Variants in MRE11 observed in about 807,000 individuals in gnomAD.
MRE11 encodes the protein double-strand break repair protein MRE11.
A neutral mutation model predicts 91.7 loss-of-function variants in MRE11; 62 were observed. The ratio of observed to expected loss-of-function variants is 0.68; its 90% CI spans 0.55 to 0.84. The LOEUF (loss-of-function observed/expected upper bound fraction) is 0.84. MRE11 is among the 40% of genes least tolerant of loss of function. The pLI is 0.00. For synonymous variants in MRE11, 273 were observed against 271.4 expected (o/e 1.01, Z -0.06); for missense variants, 796 against 852.9 (o/e 0.93, Z 0.83).
rs1945907967 is a variant in MRE11 at position 94,445,732 on chromosome 11, A to C, written c.1867+78T>G. 4 of 1,057,896 alleles carry C rather than the reference A, an allele frequency of 3.8e-6. No individual in the cohort carries two copies. In the Admixed American group the frequency reaches 6.8e-5, roughly 18 times the overall value. 65.5% of individuals were successfully genotyped at this position (1,057,896 alleles called of 1,614,324 possible). ...TAACTTCCCAATGATTGCAACACAA[A>C]TAAGGGCTACCAATGGTGATTACCT... On this transcript the variant is annotated intron_variant, in intron 16 of 19. Transcript: ENST00000323929.
intron 12 of MRE11, among the ~76,000 whole-genome samples, 191 bp from the exon 13 acceptor site, chr11:94,459,772 G>A (rs763399505): frequency 1.8e-4 from 28 of 152,274 alleles, no homozygotes; most frequent in African/African-American, 6.0e-4. Context: ...TACAGGACAC[G>A]TGAAATGTAG....
At chr11:94,496,917 G>T, upstream of MRE11, 1 of 1,613,484 alleles carries the variant, frequency 6.2e-7, no homozygotes, top group South Asian at 1.1e-5. Context: ...AAAGACCCAA[G>T]CAGATTGCTT....
At chr11:94,501,404 A>C in the MRE11 span, among the ~76,000 whole-genome samples, 1 of 152,216 alleles carries the variant, frequency 6.6e-6, no homozygotes, top group East Asian at 1.9e-4. Flanking sequence ...ATAGATAAGC[A>C]AAAATCCTAG....
intron 16 of MRE11, among the ~76,000 whole-genome samples, chr11:94,441,083 C>T (rs1283105186): frequency 6.6e-6 from 1 of 152,160 alleles, no homozygotes; most frequent in Admixed American, 6.5e-5. Context: ...AATGCAAACC[C>T]CCCACTTGCT....
In MRE11 at chr11:94,481,557, A is replaced by G. The variant is rs115026369; in HGVS notation, c.315-1796T>C. 6.1e-3 allele frequency among the ~76,000 whole-genome samples: 923 copies of G among 152,258 alleles called. 5 individuals carry two copies. The highest frequency in any genetic ancestry group is 0.02 in the African/African-American group (835 of 41,562). On this transcript the variant is annotated intron_variant, in intron 4 of 19. Transcript: ENST00000323929. Reference sequence around the variant, plus strand: ...AAGACAAATGTATGAATCTTTTATGACTTCTGGGTCTTGTGTCATACTTAG... The same window carrying G: ...AAGACAAATGTATGAATCTTTTATGGCTTCTGGGTCTTGTGTCATACTTAG...
At chr11:94,503,731 AT>A in the MRE11 span, among the ~76,000 whole-genome samples, 2 of 141,410 alleles carry the variant, frequency 1.4e-5, no homozygotes, top group African/African-American at 2.6e-5. Context: ...TAAAATCGGG[AT>A]TTTTATAACC....
At chr11:94,483,085 C>T (rs773748628) in intron 4 of MRE11, among the ~76,000 whole-genome samples, 5 of 152,006 alleles carry the variant, frequency 3.3e-5, no homozygotes, top group Middle Eastern at 3.2e-3. Context: ...AACTATCAAT[C>T]AAGGGGAAAG....
In MRE11 at chr11:94,417,397, A is replaced by G. The variant is rs1267849742; in HGVS notation, c.*2728T>C. On this transcript the variant is annotated 3_prime_UTR_variant, in exon 20 of 20. Transcript: ENST00000323929. ...AATTTATCAAGCTGGTAAATTCCAT[A>G]ACAGGCTGAACCAAATGAAATACCT... 8.6e-6 allele frequency: 2 copies of G among 231,954 alleles called. No homozygotes were observed. The highest frequency in any genetic ancestry group is 4.4e-5 in the African/African-American group (2 of 45,286). The allele number at this position is 231,954 out of a possible 1,614,324, so 14.4% of individuals were successfully genotyped here. A position where few individuals can be genotyped will look rare whatever the true frequency, so the allele number is the denominator to read the frequency against.
In MRE11 at chr11:94,416,402, A is replaced by C. The variant is rs1272568173; in HGVS notation, c.*3723T>G. Reference sequence around the variant, plus strand: ...ATTCTAGTATTTTCTGACCAAACTAAGTTCAAAAGTACTAAAAGAAAATGA... The same window carrying C: ...ATTCTAGTATTTTCTGACCAAACTACGTTCAAAAGTACTAAAAGAAAATGA... On this transcript the variant is annotated 3_prime_UTR_variant, in exon 20 of 20. Transcript: ENST00000323929. 1 of 152,232 alleles carries C rather than the reference A, an allele frequency of 6.6e-6. No individual in the cohort carries two copies. The highest frequency in any genetic ancestry group is 2.4e-5 in the African/African-American group (1 of 41,460). The allele number at this position is 152,232 out of a possible 1,614,324, so 9.4% of individuals were successfully genotyped here. A position where few individuals can be genotyped will look rare whatever the true frequency, so the allele number is the denominator to read the frequency against.
chr11:94,425,714 C>T lies in MRE11; in HGVS notation c.2070+4197G>A, dbSNP rs576550043. Among the ~76,000 whole-genome samples the T allele has an allele frequency of 7.2e-5, 11 of 152,090 alleles. 1 individual carries two copies. The South Asian group carries it at 2.1e-3, about 29-fold the overall frequency. On this transcript the variant is annotated intron_variant, in intron 19 of 19. Coordinates refer to ENST00000323929, the MANE Select transcript of MRE11 (RefSeq NM_005591.4). ...TCACAATTCTTTTATCAGATATAGC[C>T]GATTTTAAACCAACCAACAGTAAAA...
intron 1 of MRE11, 154 bp downstream of exon 1, chr11:94,493,637 G>A (rs13447584): frequency 6.6e-6 from 1 of 152,320 alleles, no homozygotes; most frequent in Admixed American, 6.5e-5. Flanking sequence ...CTGGGCTTCC[G>A]CCTGGGAACC....
At chr11:94,461,698 G>GT (rs1400520932) in intron 11 of MRE11, among the ~76,000 whole-genome samples, 3 of 152,192 alleles carry the variant, frequency 2.0e-5, no homozygotes, top group African/African-American at 7.2e-5. Flanking sequence ...CAGATGACAT[G>GT]ATTGTATATT....
intron 19 of MRE11, among the ~76,000 whole-genome samples, chr11:94,422,782 T>C (rs1348359528): frequency 6.6e-6 from 1 of 152,078 alleles, no homozygotes. Flanking sequence ...GGTGCAATCT[T>C]GGCTCACTGC....
chr11:94,450,339 G>A (rs548978624), intron 14 of MRE11, among the ~76,000 whole-genome samples: 6 of 152,108 alleles, frequency 3.9e-5, no homozygotes, highest in Non-Finnish European at 8.8e-5. Flanking sequence ...AAAGGAACCA[G>A]CTGTATGCTT....
chr11:94,503,849 A>AAAG, the MRE11 span, among the ~76,000 whole-genome samples: 2 of 150,744 alleles, frequency 1.3e-5, no homozygotes, highest in African/African-American at 4.9e-5. Context: ...AAAAAAAAAA[A>AAAG]GACTAGCTAT....
chr11:94,418,119 CT>C lies in MRE11; in HGVS notation c.*2005del, dbSNP rs553650798. Reference sequence around the variant, plus strand: ...AAATTGTTAGAAACAAAAAACAAAACTCCCCTAAAACCAACAGATTTTGCAG... The same window carrying C: ...AAATTGTTAGAAACAAAAAACAAAACCCCCTAAAACCAACAGATTTTGCAG... On this transcript the variant is annotated 3_prime_UTR_variant, in exon 20 of 20. Coordinates refer to ENST00000323929, the MANE Select transcript of MRE11 (RefSeq NM_005591.4). The C allele has an allele frequency of 8.6e-4, 201 of 233,022 alleles. No individual in the cohort carries two copies. Among genetic ancestry groups the C allele is most frequent in the African/African-American group, 4.0e-3 (182 of 45,424 alleles). The allele number at this position is 233,022 out of a possible 1,614,324, so 14.4% of individuals were successfully genotyped here.
intron 1 of MRE11, 92 bp from the exon 2 acceptor site, chr11:94,492,998 T>C (rs1947330644): frequency 1.7e-6 from 1 of 584,710 alleles, no homozygotes; most frequent in South Asian, 2.3e-5. Flanking sequence ...ACAGACGTCT[T>C]AATTAGACTG....
chr11:94,453,158 G>A (rs906942346), intron 14 of MRE11, among the ~76,000 whole-genome samples: 1 of 151,836 alleles, frequency 6.6e-6, no homozygotes, highest in African/African-American at 2.4e-5. Flanking sequence ...GTATCAGAAT[G>A]TCATTCCTTT....
intron 16 of MRE11, among the ~76,000 whole-genome samples, chr11:94,438,245 A>T (rs1945677721): frequency 6.6e-6 from 1 of 152,268 alleles, no homozygotes; most frequent in African/African-American, 2.4e-5. Flanking sequence ...CTTCCCCAAG[A>T]TAACTCACAA....
Sources: gnomAD v4.1 joint callset for allele counts (sites outside exome capture counted in the v4.1 genomes callset) on GRCh38, gnomAD v4.1.1 for gene constraint, MANE v1.5 for transcripts, NCBI Gene and HGNC (gene_info 2026-07-23, HGNC 2026-07-21) for gene names.